Variants in KMT2C observed in about 807,000 individuals in gnomAD.
The protein encoded by KMT2C is lysine methyltransferase 2C.
In KMT2C, 88 loss-of-function variants were observed where a neutral mutation model predicts 507.9. That is an observed-to-expected ratio of 0.17 (90% confidence interval 0.15 to 0.21). The LOEUF is 0.21. Among genes scored for constraint, KMT2C ranks in the 10% least tolerant of loss-of-function variants. The pLI, the probability that KMT2C is intolerant of heterozygous loss-of-function variation, is 1.00. For synonymous variants in KMT2C, 2,049 were observed against 2,080.8 expected (o/e 0.98, Z 0.42); for missense variants, 4,954 against 5,957.8 (o/e 0.83, Z 5.55).
chr7:152,428,697 T>A (rs1228564586), intron 1 of KMT2C, among the ~76,000 whole-genome samples: 2 of 151,770 alleles, frequency 1.3e-5, no homozygotes, highest in Non-Finnish European at 2.9e-5. Context: ...AGAAACAGCA[T>A]CTCAAATAGC....
chr7:152,212,207 C>T (rs2094471220), intron 23 of KMT2C, among the ~76,000 whole-genome samples: 1 of 152,168 alleles, frequency 6.6e-6, no homozygotes, highest in Admixed American at 6.5e-5. Flanking sequence ...TAAGAAAACA[C>T]TGGTTCTTTC....
intron 6 of KMT2C, among the ~76,000 whole-genome samples, chr7:152,297,044 A>AGAAAGAAAGAAAGAAAGAACGAAC (rs2096512914): frequency 9.9e-6 from 1 of 100,586 alleles, no homozygotes; most frequent in African/African-American, 4.8e-5. Context: ...AAAGAAAGAA[A>AGAAAGAAAGAAAGAAAGAACGAAC]GAAAGAAAGA....
At chr7:152,376,249 A>G (rs2097328160) in intron 1 of KMT2C, among the ~76,000 whole-genome samples, 1 of 152,174 alleles carries the variant, frequency 6.6e-6, no homozygotes, top group Non-Finnish European at 1.5e-5. Flanking sequence ...CGTTTCCCCA[A>G]CACACAACCA....
intron 11 of KMT2C, 132 bp downstream of exon 11, chr7:152,251,807 T>C (rs748239098): frequency 5.5e-5 from 29 of 529,400 alleles, no homozygotes; most frequent in Admixed American, 1.9e-4. Context: ...CATTTAAAGG[T>C]TGAGAAACTG....
chr7:152,174,533 A>T (rs541058927), intron 38 of KMT2C, among the ~76,000 whole-genome samples: 8 of 152,360 alleles, frequency 5.3e-5, no homozygotes, highest in African/African-American at 1.9e-4. Context: ...TTGCAATGCT[A>T]ATCAGAATGG....
chr7:152,291,612 A>C (rs2096428636), intron 6 of KMT2C, among the ~76,000 whole-genome samples: 2 of 152,302 alleles, frequency 1.3e-5, no homozygotes, highest in Non-Finnish European at 2.9e-5. Flanking sequence ...TTTCTCTTGT[A>C]GTTGTTTCAC....
At chr7:152,149,743 G>A (rs1320071466) in intron 51 of KMT2C, among the ~76,000 whole-genome samples, 1 of 152,176 alleles carries the variant, frequency 6.6e-6, no homozygotes, top group African/African-American at 2.4e-5. Flanking sequence ...CAGTTGAGCT[G>A]AGGGGAAATC....
intron 6 of KMT2C, among the ~76,000 whole-genome samples, chr7:152,284,374 G>A (rs1410698077): frequency 6.6e-6 from 1 of 152,102 alleles, no homozygotes; most frequent in Non-Finnish European, 1.5e-5. Context: ...CTTTTAGAAT[G>A]ATGCTGGAAC....
intron 33 of KMT2C, 124 bp downstream of exon 33, chr7:152,187,138 T>C (rs898382456): frequency 3.1e-5 from 22 of 707,328 alleles, no homozygotes; most frequent in Middle Eastern, 7.7e-4. Flanking sequence ...CTAGGGAATC[T>C]TCATGTTGTG....
chr7:152,137,140 A>C lies in KMT2C; in HGVS notation c.14644-216T>G, dbSNP rs1005150513. Reference sequence around the variant, plus strand: ...AGGGAGGCAGTATTTTTAAACAGCGAGATCTGAGAACGGGAGCCTGACCAG... The same window carrying C: ...AGGGAGGCAGTATTTTTAAACAGCGCGATCTGAGAACGGGAGCCTGACCAG... On this transcript the variant is annotated intron_variant, in intron 58 of 58. Transcript: ENST00000262189. 1.6e-4 allele frequency: 81 copies of C among 505,816 alleles called. No individual in the cohort carries two copies. The African/African-American group carries it at 1.6e-3, about 10-fold the overall frequency. The allele number at this position is 505,816 out of a possible 1,614,324, so 31.3% of individuals were successfully genotyped here.
At chr7:152,152,302 T>G (rs879603001) in intron 49 of KMT2C, among the ~76,000 whole-genome samples, 1 of 151,316 alleles carries the variant, frequency 6.6e-6, no homozygotes, top group Non-Finnish European at 1.5e-5. Context: ...AAACAAGAGG[T>G]AGGTGAGGAT....
chr7:152,147,599 C>G (rs1246649133), intron 52 of KMT2C, among the ~76,000 whole-genome samples: 1 of 149,706 alleles, frequency 6.7e-6, no homozygotes, highest in Non-Finnish European at 1.5e-5. Flanking sequence ...CCCAGCTACT[C>G]GGGAGGCTGA....
intron 1 of KMT2C, among the ~76,000 whole-genome samples, chr7:152,409,917 T>C (rs943335727): frequency 2.0e-5 from 3 of 152,066 alleles, no homozygotes; most frequent in African/African-American, 7.2e-5. Context: ...TTTCAAATTA[T>C]ACAAATATTT....
intron 6 of KMT2C, among the ~76,000 whole-genome samples, chr7:152,296,997 A>AGAAAGAAAG (rs1554622596): frequency 1.7e-5 from 1 of 58,948 alleles, no homozygotes; most frequent in Non-Finnish European, 3.7e-5. Context: ...GAAAGAAAGA[A>AGAAAGAAAG]AAAGAAAGAA....
intron 1 of KMT2C, among the ~76,000 whole-genome samples, chr7:152,392,255 T>C (rs2097504977): frequency 6.6e-6 from 1 of 152,148 alleles, no homozygotes; most frequent in Non-Finnish European, 1.5e-5. Context: ...GGAAAGGCCT[T>C]AGTGTAGCCA....
chr7:152,170,850 T>G (rs1270199238), intron 40 of KMT2C, among the ~76,000 whole-genome samples: 1 of 152,152 alleles, frequency 6.6e-6, no homozygotes, highest in Non-Finnish European at 1.5e-5. Context: ...ATGGGTTTAA[T>G]TCTAAAATGC....
At chr7:152,146,471 G>A in intron 53 of KMT2C, 128 bp downstream of exon 53, 1 of 863,404 alleles carries the variant, frequency 1.2e-6, no homozygotes, top group Non-Finnish European at 1.8e-6. Flanking sequence ...ATTCCTCTAA[G>A]AGAAACGGGT....
chr7:152,241,952 T>C (rs1236986594), intron 14 of KMT2C, among the ~76,000 whole-genome samples: 2 of 152,228 alleles, frequency 1.3e-5, no homozygotes, highest in Non-Finnish European at 2.9e-5. Flanking sequence ...ACAGACTTTG[T>C]GTAATTTTAT....
At position 152,202,941 on chromosome 7, in the gene KMT2C, T is replaced by C. The variant is rs2129135579; in HGVS notation, c.4085A>G (p.Tyr1362Cys). The change falls in exon 26 of 59, where the codon TAT becomes TGT. Residue 1362 changes from tyrosine to cysteine, a missense_variant. Physicochemically the swap from Tyr to Cys is radical, Grantham distance 194. Around this residue, in one of 29 missense-constraint regions of KMT2C, gnomAD observed 176 missense variants for 262.0 expected, o/e 0.67. Transcript: ENST00000262189. ...TGTAAAGCAAAATATTACTTGTAAATAGGCAGGGAAAGTTTCTTCAAGCTT... is the reference window on the plus strand; with the variant it reads ...TGTAAAGCAAAATATTACTTGTAAACAGGCAGGGAAAGTTTCTTCAAGCTT... ...KNKLEETFPA[Y>C]LQEAFFGKDL... 2 of 1,594,942 alleles carry C rather than the reference T, an allele frequency of 1.3e-6. No individual in the cohort carries two copies. Among genetic ancestry groups the C allele is most frequent in the South Asian group, 1.1e-5 (1 of 89,050 alleles).
Sources: allele counts gnomAD v4.1 joint callset (sites outside exome capture counted in the v4.1 genomes callset), GRCh38; gene constraint gnomAD v4.1.1; regional missense constraint gnomAD v4.1.1; transcripts MANE v1.5; gene names NCBI Gene and HGNC (gene_info 2026-07-23, HGNC 2026-07-21).